Variants in LNX1 observed in about 807,000 individuals in gnomAD.
LNX1 encodes E3 ubiquitin-protein ligase LNX.
Under a neutral mutation model 68.4 loss-of-function variants are expected in LNX1, and 54 were observed. The observed-to-expected ratio is 0.79, with a 90% confidence interval of 0.63 to 0.99. The LOEUF (loss-of-function observed/expected upper bound fraction) is 0.99. Ranked by LOEUF, LNX1 falls within the 50% of genes least tolerant of loss-of-function variation. The pLI, the probability that LNX1 is intolerant of heterozygous loss-of-function variation, is 0.00. For missense variants in LNX1, 906 were observed against 926.4 expected (o/e 0.98, Z 0.29); for synonymous variants, 336 against 350.0 (o/e 0.96, Z 0.45).
At chr4:53,533,428 T>TCCCTCTGTCGCCC (rs1304764713) in intron 2 of LNX1, among the ~76,000 whole-genome samples, 2 of 152,324 alleles carry the variant, frequency 1.3e-5, no homozygotes, top group Admixed American at 6.5e-5. Flanking sequence ...AGGTGGCGTC[T>TCCCTCTGTCGCCC]CCCTCTGTCG....
chr4:53,530,541 T>C (rs1160909735), intron 2 of LNX1, among the ~76,000 whole-genome samples: 2 of 152,208 alleles, frequency 1.3e-5, no homozygotes, highest in East Asian at 3.8e-4. Flanking sequence ...TCATAAAAGC[T>C]GATAGTAGGA....
chr4:53,516,064 A>G (rs1381482276), intron 2 of LNX1, among the ~76,000 whole-genome samples: 1 of 152,152 alleles, frequency 6.6e-6, no homozygotes, highest in Non-Finnish European at 1.5e-5. Flanking sequence ...CCGTAGCAGG[A>G]CCCATATTCT....
At chr4:53,632,097 A>C (rs1290917848) in intron 1 of LNX1, among the ~76,000 whole-genome samples, 2 of 152,150 alleles carry the variant, frequency 1.3e-5, no homozygotes, top group East Asian at 3.9e-4. Flanking sequence ...TGAAGGGAGC[A>C]GAATGGTACC....
intron 1 of LNX1, among the ~76,000 whole-genome samples, chr4:53,628,985 T>A (rs1577811228): frequency 6.6e-6 from 1 of 151,676 alleles, no homozygotes; most frequent in Non-Finnish European, 1.5e-5. Flanking sequence ...AGGGAAAGGG[T>A]GAGAGGTGGA....
chr4:53,567,928 C>T (rs1408808965), intron 2 of LNX1, among the ~76,000 whole-genome samples: 1 of 152,048 alleles, frequency 6.6e-6, no homozygotes, highest in Non-Finnish European at 1.5e-5. Flanking sequence ...CACATACACT[C>T]TCCCAAGACT....
chr4:53,591,108 T>A (rs1252012208), intron 1 of LNX1, among the ~76,000 whole-genome samples: 1 of 152,212 alleles, frequency 6.6e-6, no homozygotes, highest in Non-Finnish European at 1.5e-5. Flanking sequence ...TAGGTTGTTG[T>A]TGTTGTTTTA....
intron 2 of LNX1, among the ~76,000 whole-genome samples, chr4:53,515,836 A>C (rs1473312145): frequency 3.3e-5 from 5 of 152,198 alleles, no homozygotes; most frequent in African/African-American, 1.2e-4. Flanking sequence ...GCCTTATGGA[A>C]GGGTCTCCTA....
chr4:53,626,217 T>C (rs182600364), intron 1 of LNX1, among the ~76,000 whole-genome samples: 58 of 152,212 alleles, frequency 3.8e-4, no homozygotes, highest in Non-Finnish European at 6.5e-4. Context: ...ATATGTTCGT[T>C]TTCAAGGACT....
At chr4:53,548,715 A>T (rs1729281804) in intron 2 of LNX1, among the ~76,000 whole-genome samples, 1 of 152,234 alleles carries the variant, frequency 6.6e-6, no homozygotes, top group Admixed American at 6.5e-5. Flanking sequence ...CTATAAAGAC[A>T]TATGCACGCA....
At chr4:53,470,352 A>G (rs1723062646) in intron 9 of LNX1, among the ~76,000 whole-genome samples, 2 of 152,204 alleles carry the variant, frequency 1.3e-5, no homozygotes, top group East Asian at 3.8e-4. Flanking sequence ...AAATAATAAG[A>G]GCTATCTGTG....
chr4:53,498,188 A>G (rs1415352268), intron 5 of LNX1, among the ~76,000 whole-genome samples: 1 of 152,232 alleles, frequency 6.6e-6, no homozygotes, highest in Non-Finnish European at 1.5e-5. Flanking sequence ...TGACTTTCAA[A>G]AAGTAGATGA....
chr4:53,581,673 G>A (rs138220871), intron 1 of LNX1, among the ~76,000 whole-genome samples: 97 of 152,160 alleles, frequency 6.4e-4, no homozygotes, highest in Admixed American at 1.8e-3. Context: ...ACTCACTATC[G>A]CAAGAATAGC....
chr4:53,532,721 T>A (rs977985402), intron 2 of LNX1, among the ~76,000 whole-genome samples: 25 of 152,206 alleles, frequency 1.6e-4, no homozygotes, highest in Admixed American at 1.4e-3. Flanking sequence ...AGCATTCAAA[T>A]CATTCTGCTA....
Position 53,591,478 on chromosome 4 carries a change from C to T in LNX1, c.-177G>A. 1 of 985,604 alleles carries T rather than the reference C, an allele frequency of 1.0e-6. No homozygotes were observed. Among genetic ancestry groups the T allele is most frequent in the Non-Finnish European group, 1.2e-6 (1 of 830,124 alleles). 61.1% of individuals were successfully genotyped at this position (985,604 alleles called of 1,614,324 possible). On this transcript the variant is annotated 5_prime_UTR_variant, in exon 1 of 11. Coordinates refer to ENST00000263925, the MANE Select transcript of LNX1 (RefSeq NM_001126328.3). ...TGAACCGAGCAGCTCCTTGGGCCGC[C>T]GGAGTTGTGACCAGCCTCAACTTCG...
intron 9 of LNX1, among the ~76,000 whole-genome samples, chr4:53,462,416 T>C (rs1225627481): frequency 3.9e-5 from 6 of 152,128 alleles, no homozygotes; most frequent in African/African-American, 1.4e-4. Context: ...TACTCCAGGA[T>C]GACGTTGTTG....
chr4:53,635,563 T>C (rs1734439719), intron 1 of LNX1, among the ~76,000 whole-genome samples: 1 of 152,156 alleles, frequency 6.6e-6, no homozygotes. Flanking sequence ...AAAATAGGAC[T>C]AATCTGTTAT....
At chr4:53,503,022 C>A (rs191347614) in intron 4 of LNX1, among the ~76,000 whole-genome samples, 5 of 152,112 alleles carry the variant, frequency 3.3e-5, no homozygotes, top group Admixed American at 3.3e-4. Context: ...GCTCCGCCTC[C>A]CAGGTTCACA....
At chr4:53,630,557 C>T (rs545582975) in intron 1 of LNX1, among the ~76,000 whole-genome samples, 12 of 152,170 alleles carry the variant, frequency 7.9e-5, no homozygotes, top group African/African-American at 2.6e-4. Context: ...GCTGAAGTGC[C>T]GCCTGGTGTT....
intron 2 of LNX1, among the ~76,000 whole-genome samples, chr4:53,614,011 G>A (rs2109851593): frequency 6.6e-6 from 1 of 152,200 alleles, no homozygotes; most frequent in Non-Finnish European, 1.5e-5. Context: ...TAGCCGTTCT[G>A]ACTGGTGTGA....
Sources: gnomAD v4.1 joint callset for allele counts (sites outside exome capture counted in the v4.1 genomes callset) on GRCh38, gnomAD v4.1.1 for gene constraint, MANE v1.5 for transcripts, NCBI Gene and HGNC (gene_info 2026-07-23, HGNC 2026-07-21) for gene names.